C20orf173: variants seen among roughly 807,000 people sequenced by gnomAD.
C20orf173 encodes chromosome 20 open reading frame 173, also known as uncharacterized protein C20orf173.
A neutral mutation model predicts 26.7 loss-of-function variants in C20orf173; 22 were observed. The observed-to-expected ratio is 0.82, with a 90% CI of 0.59 to 1.18. C20orf173 has a LOEUF of 1.18. C20orf173 is among the 50% of genes most tolerant of loss of function. The pLI is 0.00. For synonymous variants in C20orf173, 85 were observed against 96.4 expected (o/e 0.88, Z 0.69); for missense variants, 210 against 250.3 (o/e 0.84, Z 1.09).
At chr20:35,527,866 G>A (rs1197462776) in intron 5 of C20orf173, among the ~76,000 whole-genome samples, 2 of 152,090 alleles carry the variant, frequency 1.3e-5, no homozygotes, top group African/African-American at 4.8e-5. Flanking sequence ...TATTGGCCAG[G>A]CTGGTCTCGA....
chr20:35,526,119 A>G (rs1158650038), downstream of C20orf173, among the ~76,000 whole-genome samples: 1 of 152,240 alleles, frequency 6.6e-6, no homozygotes, highest in African/African-American at 2.4e-5. Flanking sequence ...TCAGTCTATC[A>G]TGAGATGCAA....
Position 35,529,426 on chromosome 20 carries a change from TG to T in C20orf173, c.-51-3del. 6.8e-7 allele frequency: 1 copy of T among 1,468,678 alleles called. No individual in the cohort carries two copies. Among genetic ancestry groups the T allele is most frequent in the Non-Finnish European group, 9.0e-7 (1 of 1,105,568 alleles). The allele number at this position is 1,468,678 out of a possible 1,614,324, so 91.0% of individuals were successfully genotyped here. A position where few individuals can be genotyped will look rare whatever the true frequency, so the allele number is the denominator to read the frequency against. On this transcript the variant is annotated splice_region_variant and splice_polypyrimidine_tract_variant and intron_variant, in intron 1 of 5. Transcript: ENST00000444723. ...TGGGCCGTAGACTGGCTTCTCTACC[TG>T]TAAGGATGAGGGGCTGAGGCCACAG...
At position 35,529,215 on chromosome 20, in the gene C20orf173, C is replaced by T; in HGVS notation, c.159G>A (p.Lys53=). The T allele has an allele frequency of 6.4e-7, 1 of 1,551,726 alleles. No homozygotes were observed. Among genetic ancestry groups the T allele is most frequent in the Non-Finnish European group, 8.7e-7 (1 of 1,147,006 alleles). Reference sequence around the variant, plus strand: ...TGAGGGTCTCAGAAGGGCAGCCACACTTCCCGGAACTGAACCAAGGGCAGT... The same window carrying T: ...TGAGGGTCTCAGAAGGGCAGCCACATTTCCCGGAACTGAACCAAGGGCAGT... The part of the protein sequence containing the change: ...HCDCPWFSSG[K]CGCPSETLNC... Residue 53 remains lysine (K), a synonymous_variant, in exon 2 of 6, where the codon AAG becomes AAA. Coordinates refer to ENST00000444723, the MANE Select transcript of C20orf173 (RefSeq NM_001145350.2).
rs1485185994 is a variant in C20orf173 at position 35,528,556 on chromosome 20, G to T, written c.489-12C>A. On this transcript the variant is annotated splice_polypyrimidine_tract_variant and intron_variant, in intron 3 of 5. Transcript: ENST00000444723. ...GGTCGCTGGCATTCCTGGGATAGAT[G>T]AAGCATTGTGTGTGGTTTGGTTCCC... 1.3e-6 allele frequency: 2 copies of T among 1,551,460 alleles called. No individual in the cohort carries two copies. The highest frequency in any genetic ancestry group is 1.7e-6 in the Non-Finnish European group (2 of 1,146,846).
downstream of C20orf173, chr20:35,523,356 A>T (rs1341692104): frequency 6.6e-6 from 1 of 152,262 alleles, no homozygotes; most frequent in Non-Finnish European, 1.5e-5. Context: ...GGCAGACAGT[A>T]GATTGGCCCC....
Position 35,529,245 on chromosome 20 carries a change from A to C in C20orf173, c.129T>G (p.His43Gln), listed in dbSNP as rs999216884. Residue 43 changes from histidine to glutamine, a missense_variant, in exon 2 of 6, where the codon CAT (histidine) becomes CAG (glutamine). Coordinates refer to ENST00000444723, the MANE Select transcript of C20orf173 (RefSeq NM_001145350.2). ...QEKRMYLVPQ[H>Q]CDCPWFSSGK... ...CGGAACTGAACCAAGGGCAGTCGCAATGCTGTGGTACCAAGTACATTCGTT... is the reference window on the plus strand; with the variant it reads ...CGGAACTGAACCAAGGGCAGTCGCACTGCTGTGGTACCAAGTACATTCGTT... 1.5e-5 allele frequency: 23 copies of C among 1,551,678 alleles called. No homozygotes were observed. The highest frequency in any genetic ancestry group is 1.9e-5 in the Non-Finnish European group (22 of 1,146,976).
downstream of C20orf173, among the ~76,000 whole-genome samples, chr20:35,524,151 G>C (rs189351189): frequency 9.9e-4 from 150 of 152,120 alleles, no homozygotes; most frequent in South Asian, 0.011. Context: ...CCAAGTAGCT[G>C]GGACTGCAGG....
chr20:35,528,938 G>C, intron 2 of C20orf173, 59 bp from the exon 3 acceptor site: 1 of 1,545,094 alleles, frequency 6.5e-7, no homozygotes, highest in Admixed American at 2.0e-5. Flanking sequence ...ACAGAGCTGG[G>C]TGGGTGAGAT....
chr20:35,522,396 GT>G (rs966536081), downstream of C20orf173: 5 of 151,980 alleles, frequency 3.3e-5, no homozygotes, highest in East Asian at 1.9e-4. Context: ...CATACCCAGG[GT>G]TTTTTTTGCT....
downstream of C20orf173, among the ~76,000 whole-genome samples, chr20:35,526,432 C>T (rs938483687): frequency 2.6e-5 from 4 of 152,088 alleles, no homozygotes; most frequent in African/African-American, 7.2e-5. Flanking sequence ...TCAAGGCCAT[C>T]CTGGCCAACA....
downstream of C20orf173, chr20:35,520,901 G>A (rs953125457): frequency 4.6e-5 from 7 of 152,160 alleles, no homozygotes. Context: ...TCCATCCAGG[G>A]TCTGCTTGAA....
chr20:35,528,847 C>T lies in C20orf173; in HGVS notation c.342G>A (p.Leu114=), dbSNP rs374938273. Residue 114 remains leucine, a synonymous_variant, in exon 3 of 6, where the codon TTG becomes TTA. Coordinates refer to ENST00000444723, the MANE Select transcript of C20orf173 (RefSeq NM_001145350.2). The part of the protein sequence containing the change: ...GMNSGSELGK[L]WRKLFKGIPR... ...GAATCCCTTTAAACAGCTTCCTCCACAATTTCCCAAGCTCGCTCCCTGAGT... is the reference window on the plus strand; with the variant it reads ...GAATCCCTTTAAACAGCTTCCTCCATAATTTCCCAAGCTCGCTCCCTGAGT... The T allele has an allele frequency of 1.3e-5, 20 of 1,551,352 alleles. No individual in the cohort carries two copies. The African/African-American group carries it at 2.3e-4, about 18-fold the overall frequency.
intron 5 of C20orf173, 103 bp downstream of exon 5, chr20:35,528,130 T>A (rs576596051): frequency 4.1e-5 from 39 of 952,420 alleles, no homozygotes; most frequent in Admixed American, 6.0e-5. Flanking sequence ...AGACAGCCAG[T>A]TGTCCTGGTT....
At position 35,528,532 on chromosome 20, in the gene C20orf173, GT is replaced by G; in HGVS notation, c.500del (p.Asp167AlafsTer25). On this transcript the variant is annotated frameshift_variant, in exon 4 of 6. Transcript: ENST00000444723. LOFTEE classifies it high-confidence loss of function. ...QYPVVFRNAS[D>X]QGSWMQLEML... ...TCTCCAGCTGCATCCAGGAGCCCTG[GT>G]CGCTGGCATTCCTGGGATAGATGAA... is the stretch of plus-strand genomic sequence containing the variant. 3 of 1,551,686 alleles carry G rather than the reference GT, an allele frequency of 1.9e-6. No individual in the cohort carries two copies. The highest frequency in any genetic ancestry group is 2.6e-6 in the Non-Finnish European group (3 of 1,146,998).
chr20:35,521,120 T>C (rs1278805675), downstream of C20orf173: 1 of 152,688 alleles, frequency 6.5e-6, no homozygotes, highest in Non-Finnish European at 1.5e-5. Context: ...TGCAATTGTC[T>C]TCCCCAAAAC....
chr20:35,526,060 C>A (rs1043547632), downstream of C20orf173, among the ~76,000 whole-genome samples: 2 of 152,098 alleles, frequency 1.3e-5, no homozygotes, highest in African/African-American at 2.4e-5. Flanking sequence ...AATTCGCCGG[C>A]TAAATATTTA....
intron 5 of C20orf173, among the ~76,000 whole-genome samples, chr20:35,527,564 A>G (rs1365279284): frequency 6.6e-6 from 1 of 152,178 alleles, no homozygotes. Context: ...GGGAATTCTA[A>G]GAGCCCATTA....
At chr20:35,524,098 AC>A (rs1300524250), downstream of C20orf173, among the ~76,000 whole-genome samples, 2 of 151,544 alleles carry the variant, frequency 1.3e-5, no homozygotes. Flanking sequence ...GCTCACTGCA[AC>A]CCCCGCCTCC....
downstream of C20orf173, among the ~76,000 whole-genome samples, chr20:35,524,184 AT>A (rs142719695): frequency 2.0e-5 from 3 of 148,616 alleles, no homozygotes; most frequent in Non-Finnish European, 3.0e-5. Context: ...TGCCCGGCTA[AT>A]TTTTTTTTTA....
Sources: allele counts gnomAD v4.1 joint callset (sites outside exome capture counted in the v4.1 genomes callset), GRCh38; gene constraint gnomAD v4.1.1; transcripts MANE v1.5; gene names NCBI Gene and HGNC (gene_info 2026-07-23, HGNC 2026-07-21).